Variants in TBL1XR1 observed in about 807,000 individuals in gnomAD.
The protein encoded by TBL1XR1 is TBL1X/Y related 1.
TBL1XR1 carries 5 observed loss-of-function variants against 66.9 expected under a neutral mutation model. The ratio of observed to expected loss-of-function variants is 0.07; its 90% CI spans 0.04 to 0.16. The LOEUF (loss-of-function observed/expected upper bound fraction) is 0.16, where lower values mean the gene tolerates loss of function less well. Ranked by LOEUF, TBL1XR1 falls within the 10% of genes least tolerant of loss-of-function variation. TBL1XR1 has a pLI of 1.00. For synonymous variants in TBL1XR1, 210 were observed against 206.0 expected, an observed-to-expected ratio of 1.02 and a Z score of -0.17; for missense variants, 238 against 623.2, an observed-to-expected ratio of 0.38 and a Z score of 6.58.
At chr3:177,180,920 CG>C (rs1444670972) in intron 1 of TBL1XR1, among the ~76,000 whole-genome samples, 1 of 151,856 alleles carries the variant, frequency 6.6e-6, no homozygotes, top group African/African-American at 2.4e-5. Context: ...TTAGTAAAGA[CG>C]GGGGTTTCAC....
chr3:177,148,986 G>C (rs1312660456), intron 1 of TBL1XR1, among the ~76,000 whole-genome samples: 2 of 144,950 alleles, frequency 1.4e-5, no homozygotes, highest in African/African-American at 5.1e-5. Context: ...CCTGGACAAA[G>C]AAGAGCAAAA....
chr3:177,193,911 T>C (rs1044979410), intron 1 of TBL1XR1, among the ~76,000 whole-genome samples: 3 of 152,172 alleles, frequency 2.0e-5, no homozygotes, highest in African/African-American at 7.2e-5. Flanking sequence ...TGTTTCATCA[T>C]CCACAAAAAA....
chr3:177,090,663 T>C (rs548418490), intron 2 of TBL1XR1, among the ~76,000 whole-genome samples: 1 of 151,522 alleles, frequency 6.6e-6, no homozygotes, highest in Non-Finnish European at 1.5e-5. Flanking sequence ...ATGCAAAAAT[T>C]AGCTGGGCAT....
At chr3:177,153,512 G>A (rs1731142033) in intron 1 of TBL1XR1, among the ~76,000 whole-genome samples, 1 of 152,152 alleles carries the variant, frequency 6.6e-6, no homozygotes, top group Admixed American at 6.5e-5. Context: ...ACATAAAAGG[G>A]AGAAATAGAT....
At chr3:177,167,124 A>G (rs1732915400) in intron 1 of TBL1XR1, among the ~76,000 whole-genome samples, 1 of 152,270 alleles carries the variant, frequency 6.6e-6, no homozygotes, top group Non-Finnish European at 1.5e-5. Context: ...CAAAGTTGAT[A>G]AACTTGGTAC....
At position 177,107,212 on chromosome 3, in the gene TBL1XR1, T is replaced by C. The variant is rs1465470729; in HGVS notation, c.-121-8671A>G. 3.3e-5 allele frequency among the ~76,000 whole-genome samples: 5 copies of C among 152,302 alleles called. No individual in the cohort carries two copies. In the South Asian group the frequency reaches 1.0e-3, roughly 32 times the overall value. Reference sequence around the variant, plus strand: ...ATATACACACTTACATTAAACTAGATATTAGGTTCAGAATTCTGAAATGTT... The same window carrying C: ...ATATACACACTTACATTAAACTAGACATTAGGTTCAGAATTCTGAAATGTT... On this transcript the variant is annotated intron_variant, in intron 1 of 15. Coordinates refer to ENST00000457928, the MANE Select transcript of TBL1XR1 (RefSeq NM_024665.7).
chr3:177,044,257 G>C (rs888651981), intron 10 of TBL1XR1, among the ~76,000 whole-genome samples: 1 of 152,044 alleles, frequency 6.6e-6, no homozygotes, highest in East Asian at 1.9e-4. Context: ...CATATGATAT[G>C]GTTAATCTTT....
chr3:177,134,528 A>C (rs1290415037), intron 1 of TBL1XR1, among the ~76,000 whole-genome samples: 1 of 152,238 alleles, frequency 6.6e-6, no homozygotes, highest in Non-Finnish European at 1.5e-5. Context: ...AGTGAAAACA[A>C]TCAGTTATAG....
chr3:177,196,884 C>A (rs1350254728), intron 1 of TBL1XR1, among the ~76,000 whole-genome samples: 2 of 151,482 alleles, frequency 1.3e-5, no homozygotes, highest in Non-Finnish European at 2.9e-5. Context: ...TGGGCAGGCA[C>A]GTGAGCATTT....
At position 177,120,303 on chromosome 3, in the gene TBL1XR1, A is replaced by G. The variant is rs556488550; in HGVS notation, c.-121-21762T>C. Among the ~76,000 whole-genome samples, 3 of 152,074 alleles carry G rather than the reference A, an allele frequency of 2.0e-5. No individual in the cohort carries two copies. The East Asian group carries it at 5.8e-4, about 29-fold the overall frequency. Reference sequence around the variant, plus strand: ...TCCTTCCTGATGAAAGCTTTCTCTTACTACTCTGTCTTACCAGGATGTTTC... The same window carrying G: ...TCCTTCCTGATGAAAGCTTTCTCTTGCTACTCTGTCTTACCAGGATGTTTC... On this transcript the variant is annotated intron_variant, in intron 1 of 15. Transcript: ENST00000457928.
chr3:177,190,834 G>T (rs917966798), intron 1 of TBL1XR1, among the ~76,000 whole-genome samples: 1 of 152,152 alleles, frequency 6.6e-6, no homozygotes, highest in East Asian at 1.9e-4. Flanking sequence ...CATGAAAATG[G>T]TATTAAGAAC....
At chr3:177,038,001 C>G (rs1715058616) in intron 12 of TBL1XR1, 97 bp downstream of exon 12, 1 of 1,033,834 alleles carries the variant, frequency 9.7e-7, no homozygotes, top group Admixed American at 2.3e-5. Flanking sequence ...GGTACAAACA[C>G]TCCATGTAAG....
At chr3:177,046,220 C>A (rs1259121866) in intron 9 of TBL1XR1, 31 bp from the exon 10 acceptor site, 3 of 1,496,146 alleles carry the variant, frequency 2.0e-6, no homozygotes, top group South Asian at 1.3e-5. Context: ...AAAATAAACT[C>A]ATGGAAAGAA....
Position 177,019,617 on chromosome 3 carries a change from G to C in TBL1XR1, c.*5881C>G, listed in dbSNP as rs1712102460. 1 of 152,016 alleles carries C rather than the reference G, an allele frequency of 6.6e-6. No individual in the cohort carries two copies. Among genetic ancestry groups the C allele is most frequent in the South Asian group, 2.1e-4 (1 of 4,824 alleles). 9.4% of individuals were successfully genotyped at this position (152,016 alleles called of 1,614,324 possible). On this transcript the variant is annotated 3_prime_UTR_variant, in exon 16 of 16. Transcript: ENST00000457928. Reference sequence around the variant, plus strand: ...TGTATTTTTTCAAATGAATATATTGGTAAAACAGTAAACTTTGATCTGATC... The same window carrying C: ...TGTATTTTTTCAAATGAATATATTGCTAAAACAGTAAACTTTGATCTGATC...
intron 1 of TBL1XR1, among the ~76,000 whole-genome samples, chr3:177,135,704 A>G (rs1271619593): frequency 6.6e-6 from 1 of 151,006 alleles, no homozygotes; most frequent in African/African-American, 2.4e-5. Flanking sequence ...ATTTCCAGTG[A>G]TCACAACCAA....
intron 10 of TBL1XR1, among the ~76,000 whole-genome samples, chr3:177,043,455 A>G (rs1340521217): frequency 2.6e-5 from 4 of 152,138 alleles, no homozygotes; most frequent in African/African-American, 7.2e-5. Flanking sequence ...AGTTTGTCTT[A>G]TATTAATGTA....
intron 1 of TBL1XR1, among the ~76,000 whole-genome samples, chr3:177,127,505 T>A (rs1315944737): frequency 6.7e-6 from 1 of 148,330 alleles, no homozygotes; most frequent in Non-Finnish European, 1.5e-5. Context: ...ATTGCAATCA[T>A]TGTTGTTACT....
At chr3:177,049,904 T>G in intron 7 of TBL1XR1, 93 bp downstream of exon 7, 1 of 1,430,216 alleles carries the variant, frequency 7.0e-7, no homozygotes, top group East Asian at 2.4e-5. Flanking sequence ...AACCCCAAAT[T>G]CTGAACAAAT....
At chr3:177,144,809 A>G (rs1237313661) in intron 1 of TBL1XR1, among the ~76,000 whole-genome samples, 1 of 152,192 alleles carries the variant, frequency 6.6e-6, no homozygotes, top group African/African-American at 2.4e-5. Context: ...AAATTAATCA[A>G]TGTGGCTGTA....
Sources: gnomAD v4.1 joint callset for allele counts (sites outside exome capture counted in the v4.1 genomes callset) on GRCh38, gnomAD v4.1.1 for gene constraint, MANE v1.5 for transcripts, NCBI Gene and HGNC (gene_info 2026-07-23, HGNC 2026-07-21) for gene names.